UBR2: variants seen among roughly 807,000 people sequenced by gnomAD.
The protein encoded by UBR2 is ubiquitin protein ligase E3 component n-recognin 2, also known as E3 ubiquitin-protein ligase UBR2.
In UBR2, 92 loss-of-function variants were observed where a neutral mutation model predicts 247.9. The ratio of observed to expected loss-of-function variants is 0.37; its 90% CI spans 0.31 to 0.44. The LOEUF (loss-of-function observed/expected upper bound fraction) is 0.44, where lower values mean the gene tolerates loss of function less well. UBR2 is among the 20% of genes least tolerant of loss of function. The pLI, the probability that UBR2 is intolerant of heterozygous loss-of-function variation, is 1.00. For synonymous variants in UBR2, 672 were observed against 693.5 expected, an observed-to-expected ratio of 0.97 and a Z score of 0.49; for missense variants, 1,613 against 2,112.6, an observed-to-expected ratio of 0.76 and a Z score of 4.64.
intron 38 of UBR2, 33 bp from the exon 39 acceptor site, chr6:42,676,023 C>T (rs748105451): frequency 2.6e-6 from 4 of 1,554,594 alleles, no homozygotes; most frequent in East Asian, 2.3e-5. Context: ...AAAGGAAAGG[C>T]GATCTGTCTG....
chr6:42,606,672 CTTATATTATT>C, intron 7 of UBR2, 21 bp downstream of exon 7: 1 of 1,565,858 alleles, frequency 6.4e-7, no homozygotes. Flanking sequence ...TAAAAACATG[CTTATATTATT>C]TTTTATTAGT....
At chr6:42,662,145 C>A in intron 30 of UBR2, 39 bp from the exon 31 acceptor site, 1 of 1,301,202 alleles carries the variant, frequency 7.7e-7, no homozygotes, top group Non-Finnish European at 1.1e-6. Flanking sequence ...AAATTAAATG[C>A]TTCACTTTTG....
chr6:42,623,006 A>G (rs1310240324), intron 11 of UBR2, among the ~76,000 whole-genome samples: 1 of 152,082 alleles, frequency 6.6e-6, no homozygotes, highest in African/African-American at 2.4e-5. Context: ...GTACATAATC[A>G]TATCACTTGT....
At chr6:42,625,882 C>T (rs111773883) in intron 11 of UBR2, among the ~76,000 whole-genome samples, 3,532 of 150,140 alleles carry the variant, frequency 0.024, 121 homozygotes, top group African/African-American at 0.081. Context: ...GGTGCGATCT[C>T]GGCTCACTGC....
intron 7 of UBR2, among the ~76,000 whole-genome samples, chr6:42,607,741 G>C (rs933825170): frequency 7.2e-6 from 1 of 139,440 alleles, no homozygotes; most frequent in African/African-American, 2.7e-5. Context: ...TTTTAGTAGA[G>C]AAGGGGTTTC....
chr6:42,667,155 A>C (rs1430512050), intron 34 of UBR2, among the ~76,000 whole-genome samples: 1 of 152,046 alleles, frequency 6.6e-6, no homozygotes, highest in East Asian at 1.9e-4. Flanking sequence ...AGCCAACATG[A>C]TGAAACCCTG....
intron 2 of UBR2, among the ~76,000 whole-genome samples, chr6:42,586,700 C>T (rs981119047): frequency 4.6e-5 from 7 of 151,658 alleles, no homozygotes; most frequent in Non-Finnish European, 1.0e-4. Context: ...TTATAATATG[C>T]ATCTTTAATT....
chr6:42,566,205 G>T (rs543228676), intron 1 of UBR2, among the ~76,000 whole-genome samples: 4 of 152,090 alleles, frequency 2.6e-5, no homozygotes, highest in Admixed American at 6.5e-5. Context: ...ATTTGTAGAG[G>T]CTCCTGAGGA....
At chr6:42,580,657 A>G (rs1791825570) in intron 2 of UBR2, among the ~76,000 whole-genome samples, 2 of 151,918 alleles carry the variant, frequency 1.3e-5, no homozygotes. Flanking sequence ...CTCCTGCTTC[A>G]GCCTCCTGAG....
In UBR2 at chr6:42,669,373, C is replaced by T. The variant is rs116528053; in HGVS notation, c.3882-719C>T. On this transcript the variant is annotated intron_variant, in intron 34 of 46. Transcript: ENST00000372901. Reference sequence around the variant, plus strand: ...ACCTATTGAATCTGAACATTCATGTCCTTCATTTCTGAGAATTTTTTATGT... The same window carrying T: ...ACCTATTGAATCTGAACATTCATGTTCTTCATTTCTGAGAATTTTTTATGT... Among the ~76,000 whole-genome samples the T allele has an allele frequency of 4.0e-3, 609 of 152,146 alleles. 1 individual carries two copies. The highest frequency in any genetic ancestry group is 0.014 in the African/African-American group (566 of 41,498).
chr6:42,631,845 G>T (rs9462814), intron 11 of UBR2, among the ~76,000 whole-genome samples: 1 of 105,762 alleles, frequency 9.5e-6, no homozygotes. Context: ...GTATTATGTA[G>T]TATATACTCT....
At chr6:42,687,023 G>A (rs1365473734) in intron 44 of UBR2, among the ~76,000 whole-genome samples, 1 of 151,358 alleles carries the variant, frequency 6.6e-6, no homozygotes, top group Non-Finnish European at 1.5e-5. Context: ...AGGAAGAGGG[G>A]CTCCTCACTT....
chr6:42,646,291 C>A (rs1166476272), intron 21 of UBR2, among the ~76,000 whole-genome samples: 2 of 152,218 alleles, frequency 1.3e-5, no homozygotes, highest in African/African-American at 2.4e-5. Context: ...ATTTATTTTT[C>A]TGAGATTTCA....
At chr6:42,635,740 T>C (rs1796051187) in intron 14 of UBR2, among the ~76,000 whole-genome samples, 194 bp downstream of exon 14, 2 of 152,140 alleles carry the variant, frequency 1.3e-5, no homozygotes, top group Admixed American at 6.5e-5. Flanking sequence ...ACTTGAAAAA[T>C]AGAGAAAGAA....
chr6:42,620,698 G>A (rs540695512), intron 11 of UBR2, among the ~76,000 whole-genome samples: 9 of 151,260 alleles, frequency 6.0e-5, no homozygotes, highest in Admixed American at 4.0e-4. Flanking sequence ...CAAGTGATCC[G>A]CCTGCCTCAG....
At chr6:42,582,143 C>T (rs1405808191) in intron 2 of UBR2, among the ~76,000 whole-genome samples, 5 of 151,830 alleles carry the variant, frequency 3.3e-5, no homozygotes, top group East Asian at 1.9e-4. Context: ...ATTAGCCGGG[C>T]GTGGTGGCGG....
Position 42,663,567 on chromosome 6 carries a change from C to A in UBR2, c.3698+148C>A, listed in dbSNP as rs1582682528. On this transcript the variant is annotated intron_variant, in intron 32 of 46. Coordinates refer to ENST00000372901, the MANE Select transcript of UBR2 (RefSeq NM_001363705.2). Reference sequence around the variant, plus strand: ...ACTCTAATCATTTTCTTCTAGCAGACCTGTGGAATGTGATTTTAGTTTTTA... The same window carrying A: ...ACTCTAATCATTTTCTTCTAGCAGAACTGTGGAATGTGATTTTAGTTTTTA... The A allele has an allele frequency of 4.8e-6, 4 of 838,574 alleles. No individual in the cohort carries two copies. In the East Asian group the frequency reaches 1.2e-4, roughly 26 times the overall value. 51.9% of individuals were successfully genotyped at this position (838,574 alleles called of 1,614,324 possible).
chr6:42,603,557 CT>C, intron 4 of UBR2, 30 bp from the exon 5 acceptor site: 2 of 1,518,748 alleles, frequency 1.3e-6, no homozygotes, highest in Non-Finnish European at 8.7e-7. Flanking sequence ...CCCTTTTTTT[CT>C]TTTTCTTTTT....
intron 44 of UBR2, among the ~76,000 whole-genome samples, chr6:42,687,353 G>A (rs543644834): frequency 5.3e-5 from 8 of 152,248 alleles, no homozygotes; most frequent in Admixed American, 1.3e-4. Context: ...GCGTGGCGGC[G>A]CGCGCCTGCA....
Sources: allele counts gnomAD v4.1 joint callset (sites outside exome capture counted in the v4.1 genomes callset), GRCh38; gene constraint gnomAD v4.1.1; transcripts MANE v1.5; gene names NCBI Gene and HGNC (gene_info 2026-07-23, HGNC 2026-07-21).